FBXL22: variants seen among roughly 807,000 people sequenced by gnomAD.
FBXL22 encodes F-box and leucine rich repeat protein 22.
Under a neutral mutation model 11.7 loss-of-function variants are expected in FBXL22, and 13 were observed. The observed-to-expected ratio is 1.11, with a 90% CI of 0.73 to 1.77. The LOEUF is 1.77. FBXL22 is among the 40% of genes most tolerant of loss of function. FBXL22 has a pLI of 0.00. For synonymous variants in FBXL22, 160 were observed against 144.1 expected, an observed-to-expected ratio of 1.11 and a Z score of -0.79; for missense variants, 406 against 320.4, an observed-to-expected ratio of 1.27 and a Z score of -2.04.
At chr15:63,602,778 CAGAGGA>C (rs1269130643), downstream of FBXL22, among the ~76,000 whole-genome samples, 4 of 151,984 alleles carry the variant, frequency 2.6e-5, no homozygotes, top group Admixed American at 6.6e-5. Context: ...ATACTCCTGG[CAGAGGA>C]ACAGTCAGTG....
At chr15:63,605,016 C>T (rs771633352), downstream of FBXL22, among the ~76,000 whole-genome samples, 5 of 152,094 alleles carry the variant, frequency 3.3e-5, no homozygotes, top group Non-Finnish European at 7.4e-5. Flanking sequence ...CGGGCCACTG[C>T]ACTCACTGCA....
downstream of FBXL22, among the ~76,000 whole-genome samples, chr15:63,605,401 G>A (rs1406928628): frequency 6.6e-6 from 1 of 152,138 alleles, no homozygotes; most frequent in Non-Finnish European, 1.5e-5. Flanking sequence ...TCATATCCTT[G>A]GGGGGCTAGA....
Position 63,600,818 on chromosome 15 carries a change from G to T in FBXL22, c.475G>T (p.Val159Phe), listed in dbSNP as rs937375537. The change falls in exon 2 of 2, where the codon GTC (valine) becomes TTC (phenylalanine). Residue 159 changes from valine (V) to phenylalanine (F), a missense_variant. Transcript: ENST00000638704. ...ACTGCGCCTGGAGAACTGCGCGCGC[G>T]TCACCAACCGCACGTTGGCTGCCGT... ...RALRLENCAR[V>F]TNRTLAAVAA... 1.6e-6 allele frequency: 2 copies of T among 1,230,718 alleles called. No homozygotes were observed. Among genetic ancestry groups the T allele is most frequent in the East Asian group, 6.3e-5 (2 of 31,690 alleles). The allele number at this position is 1,230,718 out of a possible 1,614,324, so 76.2% of individuals were successfully genotyped here.
downstream of FBXL22, among the ~76,000 whole-genome samples, chr15:63,603,667 C>T (rs1203780776): frequency 6.6e-6 from 1 of 152,224 alleles, no homozygotes; most frequent in East Asian, 1.9e-4. Context: ...AGCACCCTGT[C>T]CCACACCAGC....
At chr15:63,599,502 C>T (rs912620961) in intron 1 of FBXL22, 5 of 1,164,168 alleles carry the variant, frequency 4.3e-6, no homozygotes, top group East Asian at 9.1e-5. Flanking sequence ...CCTGAGCTGC[C>T]GGAGCCAGTT....
rs772586197 is a variant in FBXL22, at chr15:63,597,743, CAGGT to C, written c.353+2_353+5del. ...ATGATTTCCTCCTCCGGGTGTGCGA[CAGGT>C]AGGCCACCTTGCCTCCTGAGCAGTG... On this transcript the variant is annotated splice_donor_variant and coding_sequence_variant, in exon 1 of 2. Coordinates refer to ENST00000638704, the MANE Select transcript of FBXL22 (RefSeq NM_001367807.1). LOFTEE classifies it high-confidence loss of function. The surrounding 1 kb of genome is among the most constrained non-coding windows in gnomAD (Gnocchi z 4.3). The C allele has an allele frequency of 3.2e-6, 5 of 1,570,258 alleles. No homozygotes were observed. The African/African-American group carries it at 5.4e-5, about 17-fold the overall frequency.
chr15:63,606,055 C>T (rs2067411400), downstream of FBXL22, among the ~76,000 whole-genome samples: 1 of 152,204 alleles, frequency 6.6e-6, no homozygotes, highest in African/African-American at 2.4e-5. Context: ...GTGACTGAGC[C>T]ACCCCGGCTC....
At chr15:63,600,300 G>A in intron 1 of FBXL22, 1 of 1,010,330 alleles carries the variant, frequency 9.9e-7, no homozygotes, top group Non-Finnish European at 1.2e-6. Context: ...CTTGAAGCTA[G>A]ACTGGAGCAA....
downstream of FBXL22, chr15:63,601,698 A>G: frequency 2.5e-6 from 4 of 1,600,024 alleles, no homozygotes; most frequent in Non-Finnish European, 3.4e-6. Context: ...CGCACTCGCG[A>G]TTGTAGAAAA....
Position 63,601,097 on chromosome 15 carries a change from G to T in FBXL22, c.*58G>T. 7.8e-7 allele frequency: 1 copy of T among 1,289,432 alleles called. No individual in the cohort carries two copies. The highest frequency in any genetic ancestry group is 2.5e-5 in the South Asian group (1 of 39,756). The allele number at this position is 1,289,432 out of a possible 1,614,324, so 79.9% of individuals were successfully genotyped here. On this transcript the variant is annotated 3_prime_UTR_variant, in exon 2 of 2. Coordinates refer to ENST00000638704, the MANE Select transcript of FBXL22 (RefSeq NM_001367807.1). ...CGCAGCCCCAGACCGTCCTGGCTTCGAACCCAGCTCTTCCACCTTCAGACC... is the reference window on the plus strand; with the variant it reads ...CGCAGCCCCAGACCGTCCTGGCTTCTAACCCAGCTCTTCCACCTTCAGACC...
At chr15:63,598,646 T>C (rs1369386129) in intron 1 of FBXL22, among the ~76,000 whole-genome samples, 2 of 152,182 alleles carry the variant, frequency 1.3e-5, no homozygotes, top group African/African-American at 2.4e-5. Flanking sequence ...TGGCTGTTCA[T>C]GGAAAACTAG....
intron 1 of FBXL22, chr15:63,599,488 G>A: frequency 2.5e-6 from 3 of 1,204,458 alleles, no homozygotes; most frequent in Non-Finnish European, 3.1e-6. Context: ...TCACCAGCCA[G>A]TCACCTGAGC....
chr15:63,601,154 G>T lies in FBXL22; in HGVS notation c.*115G>T. On this transcript the variant is annotated 3_prime_UTR_variant, in exon 2 of 2. Transcript: ENST00000638704. ...GCATATTCTGAGCCTCATTTTCCCCGTCTGCACAGTGGGGATAAGAAAGCC... is the reference window on the plus strand; with the variant it reads ...GCATATTCTGAGCCTCATTTTCCCCTTCTGCACAGTGGGGATAAGAAAGCC... 7.1e-7 allele frequency: 1 copy of T among 1,409,736 alleles called. No individual in the cohort carries two copies. Among genetic ancestry groups the T allele is most frequent in the Non-Finnish European group, 9.2e-7 (1 of 1,087,934 alleles). The allele number at this position is 1,409,736 out of a possible 1,614,324, so 87.3% of individuals were successfully genotyped here.
At chr15:63,599,827 G>C in intron 1 of FBXL22, 3 of 985,872 alleles carry the variant, frequency 3.0e-6, no homozygotes, top group Non-Finnish European at 3.6e-6. Flanking sequence ...TTTGTTTCCA[G>C]GGAAAGCGGG....
chr15:63,597,407 C>T lies in FBXL22; in HGVS notation c.15C>T (p.Leu5=), dbSNP rs1272120602. Residue 5 remains leucine (L), a synonymous_variant, in exon 1 of 2, where the codon CTC becomes CTT. Coordinates refer to ENST00000638704, the MANE Select transcript of FBXL22 (RefSeq NM_001367807.1). This position sits in a 1 kb window ranked among gnomAD's most constrained non-coding sequence, Gnocchi z 4.3. The stretch of plus-strand genomic sequence containing the variant: ...GCTGCACTCACATGTGGCCACTGCT[C>T]ACCATGCACATAACCCAGCTCAACC... MWPL[L]TMHITQLNRE... 10 of 1,609,982 alleles carry T rather than the reference C, an allele frequency of 6.2e-6. No individual in the cohort carries two copies. Among genetic ancestry groups the T allele is most frequent in the Non-Finnish European group, 8.5e-6 (10 of 1,177,486 alleles).
the FBXL22 span, among the ~76,000 whole-genome samples, chr15:63,608,403 G>C: frequency 2.0e-5 from 3 of 152,182 alleles, no homozygotes; most frequent in African/African-American, 7.2e-5. Context: ...GAAAATAGGG[G>C]CTTCCAACCC....
chr15:63,606,401 G>A (rs1405062639), downstream of FBXL22, among the ~76,000 whole-genome samples: 2 of 152,162 alleles, frequency 1.3e-5, no homozygotes, highest in East Asian at 3.9e-4. Flanking sequence ...CTGCTTAAGG[G>A]TCATAAAAAC....
chr15:63,601,798 GAAAAA>G, downstream of FBXL22: 1 of 1,333,722 alleles, frequency 7.5e-7, no homozygotes, highest in Non-Finnish European at 9.8e-7. Context: ...TGATTTGGAA[GAAAAA>G]AAAAGCCTCA....
In FBXL22 at chr15:63,600,676, G is replaced by C. The variant is rs575000392; in HGVS notation, c.354-21G>C. On this transcript the variant is annotated intron_variant, in intron 1 of 1. Coordinates refer to ENST00000638704, the MANE Select transcript of FBXL22 (RefSeq NM_001367807.1). Reference sequence around the variant, plus strand: ...GCTTTAACAAGCCAGTGAGCCCCGGGTCACCGCACTCTCCTCACAGGTGCC... The same window carrying C: ...GCTTTAACAAGCCAGTGAGCCCCGGCTCACCGCACTCTCCTCACAGGTGCC... 1,432 of 1,231,262 alleles carry C rather than the reference G, an allele frequency of 1.2e-3. No individual in the cohort carries two copies. Among genetic ancestry groups the C allele is most frequent in the Non-Finnish European group, 1.4e-3 (1,338 of 987,710 alleles). 76.3% of individuals were successfully genotyped at this position (1,231,262 alleles called of 1,614,324 possible).
Sources: gnomAD v4.1 joint callset for allele counts (sites outside exome capture counted in the v4.1 genomes callset) on GRCh38, gnomAD v4.1.1 for gene constraint, Gnocchi (gnomAD v3.1) non-coding constraint, MANE v1.5 for transcripts, NCBI Gene and HGNC (gene_info 2026-07-23, HGNC 2026-07-21) for gene names.